PXDNL: variants seen among roughly 807,000 people sequenced by gnomAD.
The protein encoded by PXDNL is peroxidasin like.
PXDNL carries 145 observed loss-of-function variants against 150.8 expected under a neutral mutation model. That is an observed-to-expected ratio of 0.96 (90% CI 0.84 to 1.10). The LOEUF (loss-of-function observed/expected upper bound fraction) is 1.10, where lower values mean the gene tolerates loss of function less well. Among genes scored for constraint, PXDNL ranks in the 50% least tolerant of loss-of-function variants. The pLI, the probability that PXDNL is intolerant of heterozygous loss-of-function variation, is 0.00. For missense variants in PXDNL, 2,087 were observed against 1,873.9 expected (o/e 1.11, Z -2.10); for synonymous variants, 757 against 725.7 (o/e 1.04, Z -0.69).
chr8:51,385,317 A>G (rs1807666298), intron 17 of PXDNL, among the ~76,000 whole-genome samples: 1 of 152,064 alleles, frequency 6.6e-6, no homozygotes. Flanking sequence ...ACAGAAGCAG[A>G]AAAATAGCTA....
intron 1 of PXDNL, among the ~76,000 whole-genome samples, chr8:51,706,763 C>T (rs1816387379): frequency 6.6e-6 from 1 of 152,106 alleles, no homozygotes; most frequent in African/African-American, 2.4e-5. Context: ...GAAATAAATG[C>T]CATTGGCAAA....
intron 1 of PXDNL, among the ~76,000 whole-genome samples, chr8:51,663,176 T>G (rs1200056022): frequency 1.3e-5 from 2 of 152,158 alleles, no homozygotes; most frequent in Non-Finnish European, 2.9e-5. Context: ...ACCCGGGAAA[T>G]GGCCCTCAAG....
chr8:51,371,191 T>C (rs927203584), intron 19 of PXDNL, among the ~76,000 whole-genome samples: 14 of 152,238 alleles, frequency 9.2e-5, no homozygotes, highest in Admixed American at 2.0e-4. Flanking sequence ...CAACAAACAA[T>C]ACATCTTTTC....
At position 51,408,766 on chromosome 8, in the gene PXDNL, CAG is replaced by C. The variant is rs781068298; in HGVS notation, c.2856_2857del (p.Cys953PhefsTer67). ...GGCCCGGTGGTCCCCGGCCAGGAAACAGGGGCTCTCCTGCTCCTGTCGCGCGC... is the reference window on the plus strand; with the variant it reads ...GGCCCGGTGGTCCCCGGCCAGGAAACGGGCTCTCCTGCTCCTGTCGCGCGC... On this transcript the variant is annotated frameshift_variant, in exon 17 of 23. Transcript: ENST00000356297. LOFTEE classifies it high-confidence loss of function. 92 of 1,586,148 alleles carry C rather than the reference CAG, an allele frequency of 5.8e-5. No individual in the cohort carries two copies. The African/African-American group carries it at 1.0e-3, about 18-fold the overall frequency.
intron 3 of PXDNL, among the ~76,000 whole-genome samples, chr8:51,576,436 A>C (rs762197772): frequency 1.3e-5 from 2 of 151,934 alleles, no homozygotes; most frequent in Non-Finnish European, 2.9e-5. Context: ...TCCCTGAGTC[A>C]GAAAATCTGA....
In PXDNL at chr8:51,345,934, T is replaced by A. The variant is rs147301930; in HGVS notation, c.3915A>T (p.Arg1305Ser). ...WQDCCADCRSRGQFRAVTQES... is the reference protein window; with the variant it reads ...WQDCCADCRSSGQFRAVTQES... Reference sequence around the variant, plus strand: ...CTTGCGTCACTGCTCTGAACTGTCCTCTACTCCTACAGTCTGTGGGGAAAG... The same window carrying A: ...CTTGCGTCACTGCTCTGAACTGTCCACTACTCCTACAGTCTGTGGGGAAAG... The change falls in exon 20 of 23, where the codon AGA (arginine) becomes AGT (serine). Residue 1305 changes from arginine (R) to serine (S), a missense_variant. Physicochemically the swap from Arg to Ser is moderately radical, Grantham distance 110. Transcript: ENST00000356297. 71 of 1,610,206 alleles carry A rather than the reference T, an allele frequency of 4.4e-5. No individual in the cohort carries two copies. The East Asian group carries it at 1.4e-3, about 33-fold the overall frequency.
chr8:51,564,195 C>T (rs1812767778), intron 3 of PXDNL, among the ~76,000 whole-genome samples: 1 of 151,750 alleles, frequency 6.6e-6, no homozygotes, highest in South Asian at 2.1e-4. Flanking sequence ...AGTTCTGGGG[C>T]AACAAAAGTA....
chr8:51,363,754 G>A (rs1806828227), intron 19 of PXDNL, among the ~76,000 whole-genome samples: 1 of 151,980 alleles, frequency 6.6e-6, no homozygotes, highest in Non-Finnish European at 1.5e-5. Flanking sequence ...AATATGAGGG[G>A]TGGTCTCCTC....
intron 21 of PXDNL, among the ~76,000 whole-genome samples, chr8:51,323,617 T>A (rs926807730): frequency 6.6e-6 from 1 of 152,102 alleles, no homozygotes; most frequent in Non-Finnish European, 1.5e-5. Context: ...AGTTTAAGAA[T>A]CTTGTATGTA....
intron 2 of PXDNL, among the ~76,000 whole-genome samples, chr8:51,611,355 T>C (rs561137727): frequency 2.0e-5 from 3 of 152,328 alleles, no homozygotes; most frequent in South Asian, 2.1e-4. Flanking sequence ...TAACTGGATT[T>C]ATTGTTGGTT....
chr8:51,564,482 T>C (rs1234245973), intron 3 of PXDNL, among the ~76,000 whole-genome samples: 1 of 151,546 alleles, frequency 6.6e-6, no homozygotes, highest in Non-Finnish European at 1.5e-5. Flanking sequence ...ATAAGCCTAG[T>C]GCTCATTAGG....
At chr8:51,806,924 T>C (rs2037681934) in intron 1 of PXDNL, among the ~76,000 whole-genome samples, 1 of 152,206 alleles carries the variant, frequency 6.6e-6, no homozygotes, top group Non-Finnish European at 1.5e-5. Flanking sequence ...TTCCCTCAAA[T>C]TGTTTACTGG....
chr8:51,361,956 A>G (rs1400531406), intron 19 of PXDNL, among the ~76,000 whole-genome samples: 7 of 149,826 alleles, frequency 4.7e-5, no homozygotes, highest in South Asian at 2.1e-4. Context: ...AAAAAAAAAA[A>G]AAAAAAAAAG....
At chr8:51,411,749 T>C (rs1360567968) in intron 15 of PXDNL, among the ~76,000 whole-genome samples, 1 of 152,192 alleles carries the variant, frequency 6.6e-6, no homozygotes, top group East Asian at 1.9e-4. Flanking sequence ...TCTGAAGTAC[T>C]ATGCAATACT....
At chr8:51,556,945 A>G in intron 3 of PXDNL, 34 bp from the exon 4 acceptor site, 1 of 1,214,294 alleles carries the variant, frequency 8.2e-7, no homozygotes, top group Non-Finnish European at 1.2e-6. Context: ...TAAATTATAA[A>G]TTAGTAGAGA....
intron 3 of PXDNL, among the ~76,000 whole-genome samples, chr8:51,557,387 G>C (rs1202813827): frequency 6.6e-6 from 1 of 152,064 alleles, no homozygotes; most frequent in Admixed American, 6.6e-5. Flanking sequence ...AAAATCTGCA[G>C]GGAAGAATAC....
chr8:51,441,015 C>T (rs2129880950), intron 12 of PXDNL, among the ~76,000 whole-genome samples: 1 of 152,274 alleles, frequency 6.6e-6, no homozygotes, highest in Non-Finnish European at 1.5e-5. Context: ...GTGTCCCCAC[C>T]CACATCTCAC....
chr8:51,780,989 C>A (rs2037409876), intron 1 of PXDNL, among the ~76,000 whole-genome samples: 2 of 152,068 alleles, frequency 1.3e-5, no homozygotes, highest in Non-Finnish European at 2.9e-5. Context: ...AACACCAACC[C>A]CATTCATGAG....
chr8:51,533,997 G>C (rs1398795168), intron 4 of PXDNL, among the ~76,000 whole-genome samples: 5 of 143,118 alleles, frequency 3.5e-5, no homozygotes, highest in Admixed American at 6.7e-5. Context: ...TCTGGAAAGT[G>C]AGGAGCGTCT....
Sources: gnomAD v4.1 joint callset for allele counts (sites outside exome capture counted in the v4.1 genomes callset) on GRCh38, gnomAD v4.1.1 for gene constraint, MANE v1.5 for transcripts, NCBI Gene and HGNC (gene_info 2026-07-23, HGNC 2026-07-21) for gene names.